PLEKHM1: variants seen among roughly 807,000 people sequenced by gnomAD.
PLEKHM1 encodes pleckstrin homology domain-containing family M member 1.
Under a neutral mutation model 94.3 loss-of-function variants are expected in PLEKHM1, and 28 were observed. The observed-to-expected ratio is 0.30, with a 90% confidence interval of 0.22 to 0.41. The LOEUF is 0.41. Ranked by LOEUF, PLEKHM1 falls within the 10% of genes least tolerant of loss-of-function variation. The pLI is 1.00. For synonymous variants in PLEKHM1, 424 were observed against 581.2 expected (o/e 0.73, Z 3.89); for missense variants, 907 against 1,358.6 (o/e 0.67, Z 5.22).
In PLEKHM1 at chr17:45,436,261, G is replaced by A. The variant is rs1193259704; in HGVS notation, c.*1597C>T. 2.2e-6 allele frequency: 1 copy of A among 454,242 alleles called. No homozygotes were observed. The highest frequency in any genetic ancestry group is 4.4e-6 in the Non-Finnish European group (1 of 226,846). The allele number at this position is 454,242 out of a possible 1,614,324, so 28.1% of individuals were successfully genotyped here. On this transcript the variant is annotated 3_prime_UTR_variant, in exon 12 of 12. Coordinates refer to ENST00000430334, the MANE Select transcript of PLEKHM1 (RefSeq NM_014798.3). ...GCTCTGACTAGGCTGGGCTTGTGGT[G>A]GAGCGTTAATGTGGGCCATGGCGGT... is the stretch of plus-strand genomic sequence containing the variant.
At chr17:45,438,972 G>A (rs983274599) in intron 11 of PLEKHM1, among the ~76,000 whole-genome samples, 7 of 152,218 alleles carry the variant, frequency 4.6e-5, no homozygotes, top group Non-Finnish European at 8.8e-5. Context: ...CTCCCACATG[G>A]GTTGCAGGAA....
intron 2 of PLEKHM1, 25 bp from the exon 3 acceptor site, chr17:45,478,172 G>A (rs747632073): frequency 2.6e-5 from 42 of 1,613,930 alleles, no homozygotes; most frequent in Middle Eastern, 3.3e-4. Flanking sequence ...ACAGAACACA[G>A]GCCTTTAGCG....
intron 1 of PLEKHM1, chr17:45,487,779 C>T (rs1416103158): frequency 4.4e-6 from 2 of 455,946 alleles, no homozygotes; most frequent in Non-Finnish European, 8.8e-6. Context: ...AACACTCCAC[C>T]ATCAGTGAAC....
At chr17:45,490,262 C>G (rs2052270080) in intron 1 of PLEKHM1, among the ~76,000 whole-genome samples, 1 of 147,244 alleles carries the variant, frequency 6.8e-6, no homozygotes, top group Non-Finnish European at 1.5e-5. Flanking sequence ...GAGGTAAGCG[C>G]GGAGCATCGG....
At position 45,475,628 on chromosome 17, in the gene PLEKHM1, T is replaced by C; in HGVS notation, c.395A>G (p.Glu132Gly). ...CTGCAGCAGCAGCTTCAGGTAGCAC[T>C]CCATCAGGCCATCGTTCAGGGCCAG... ...LRLALNDGLM[E>G]CYLKLLLQEQ... The change falls in exon 4 of 12, where the codon GAG becomes GGG. Residue 132 changes from glutamate (E) to glycine (G), a missense_variant. Glu to Gly is a moderately conservative substitution (Grantham distance 98, BLOSUM62 -2). Around this residue, in one of 3 missense-constraint regions of PLEKHM1, gnomAD observed 176 missense variants for 306.0 expected, o/e 0.58. Transcript: ENST00000430334. 6.2e-7 allele frequency: 1 copy of C among 1,614,014 alleles called. No homozygotes were observed. Among genetic ancestry groups the C allele is most frequent in the Non-Finnish European group, 8.5e-7 (1 of 1,179,990 alleles).
chr17:45,451,317 A>C (rs536595369), intron 7 of PLEKHM1, among the ~76,000 whole-genome samples: 1 of 152,220 alleles, frequency 6.6e-6, no homozygotes, highest in African/African-American at 2.4e-5. Context: ...ATGCCTCGGG[A>C]CTGTGGGGTA....
At chr17:45,447,718 TC>T (rs1185261794) in intron 8 of PLEKHM1, among the ~76,000 whole-genome samples, 2 of 152,110 alleles carry the variant, frequency 1.3e-5, no homozygotes, top group Admixed American at 1.3e-4. Context: ...TCCCTGTCTT[TC>T]CTAGGCCAGC....
intron 2 of PLEKHM1, among the ~76,000 whole-genome samples, chr17:45,479,821 A>G (rs940738256): frequency 3.0e-4 from 45 of 152,266 alleles, no homozygotes; most frequent in African/African-American, 1.0e-3. Flanking sequence ...GAAATACTCA[A>G]TAAATGTTTG....
rs1475096912 is a variant in PLEKHM1 at position 45,450,739 on chromosome 17, G to A, written c.2522C>T (p.Ser841Phe). 5.7e-6 allele frequency: 9 copies of A among 1,580,554 alleles called. No homozygotes were observed. Among genetic ancestry groups the A allele is most frequent in the South Asian group, 5.7e-5 (5 of 88,264 alleles). ...GGCACAGAGCTTGGGTCGTACAAAG[G>A]AGAAGCCGATCTGCCGGGAGCAGCC... Reference protein sequence around the residue: ...CAGCSRQIGFSFVRPKLCAFS... With the variant: ...CAGCSRQIGFFFVRPKLCAFS... Residue 841 changes from serine (S) to phenylalanine (F), a missense_variant, in exon 8 of 12, where the codon TCC (serine) becomes TTC (phenylalanine). Ser to Phe is a radical substitution (Grantham distance 155, BLOSUM62 -2). Around this residue, in one of 3 missense-constraint regions of PLEKHM1, gnomAD observed 254 missense variants for 451.1 expected, o/e 0.56. Coordinates refer to ENST00000430334, the MANE Select transcript of PLEKHM1 (RefSeq NM_014798.3).
chr17:45,475,222 G>A lies in PLEKHM1; in HGVS notation c.801C>T (p.Asn267=), dbSNP rs774647547. 7.4e-5 allele frequency: 119 copies of A among 1,613,900 alleles called. No individual in the cohort carries two copies. The highest frequency in any genetic ancestry group is 8.3e-5 in the Admixed American group (5 of 60,004). The change falls in exon 4 of 12, where the codon AAC becomes AAT. Residue 267 remains asparagine (N), a synonymous_variant. Transcript: ENST00000430334. ...ASSSQLSCSL[N]SDSCLLQENG... is the part of the protein sequence containing the mutation. The stretch of plus-strand genomic sequence containing the variant: ...TCTCTTGGAGTAAGCAGCTATCAGA[G>A]TTTAGGCTGCAGGACAGCTGGGATG...
At chr17:45,488,055 GGGT>G (rs754722769) in intron 1 of PLEKHM1, among the ~76,000 whole-genome samples, 2 of 152,262 alleles carry the variant, frequency 1.3e-5, no homozygotes, top group African/African-American at 2.4e-5. Context: ...TTTCTGTGAT[GGGT>G]GGAGTGGTGG....
chr17:45,438,388 C>T (rs1437771044), intron 11 of PLEKHM1, among the ~76,000 whole-genome samples: 4 of 151,626 alleles, frequency 2.6e-5, no homozygotes, highest in Non-Finnish European at 5.9e-5. Flanking sequence ...AAAAATTAGC[C>T]GGGCGTGGCG....
intron 1 of PLEKHM1, among the ~76,000 whole-genome samples, chr17:45,483,434 G>C (rs1404780865): frequency 5.2e-5 from 7 of 135,760 alleles, no homozygotes; most frequent in Admixed American, 1.5e-4. Context: ...GGGGTGGGGT[G>C]GGGTGGGGTG....
At chr17:45,484,885 T>C (rs2145359247) in intron 1 of PLEKHM1, among the ~76,000 whole-genome samples, 2 of 151,094 alleles carry the variant, frequency 1.3e-5, no homozygotes, top group South Asian at 4.2e-4. Flanking sequence ...TGGCCCTAAA[T>C]GGTGGAAGGT....
At chr17:45,455,173 T>G (rs147433953) in intron 6 of PLEKHM1, among the ~76,000 whole-genome samples, 2,016 of 152,254 alleles carry the variant, frequency 0.013, 32 homozygotes, top group African/African-American at 0.041. Context: ...CCTGCTCCCA[T>G]TCCTTCTCGA....
intron 5 of PLEKHM1, among the ~76,000 whole-genome samples, chr17:45,467,483 A>T (rs2051353789): frequency 6.6e-6 from 1 of 152,200 alleles, no homozygotes; most frequent in Non-Finnish European, 1.5e-5. Flanking sequence ...TTTTCTAAAA[A>T]CATTAATTTA....
chr17:45,447,393 C>T (rs2050639384), intron 8 of PLEKHM1, among the ~76,000 whole-genome samples: 1 of 152,382 alleles, frequency 6.6e-6, no homozygotes, highest in African/African-American at 2.4e-5. Flanking sequence ...TTCTCCAGTC[C>T]TAACTCAGCT....
At chr17:45,461,298 A>C (rs944025888) in intron 5 of PLEKHM1, among the ~76,000 whole-genome samples, 1 of 152,168 alleles carries the variant, frequency 6.6e-6, no homozygotes, top group Non-Finnish European at 1.5e-5. Flanking sequence ...CCCTTATCAG[A>C]TTTACGATTT....
In PLEKHM1 at chr17:45,444,925, G is replaced by A. The variant is rs545749109; in HGVS notation, c.2837+545C>T. 6.7e-6 allele frequency among the ~76,000 whole-genome samples: 1 copy of A among 149,874 alleles called. No individual in the cohort carries two copies. The highest frequency in any genetic ancestry group is 1.5e-5 in the Non-Finnish European group (1 of 67,444). Reference sequence around the variant, plus strand: ...CTGTCTCCCTCTCACCCTCACCCCCGGATGGAGTTGCTGGCTTTCCCACCT... The same window carrying A: ...CTGTCTCCCTCTCACCCTCACCCCCAGATGGAGTTGCTGGCTTTCCCACCT... On this transcript the variant is annotated intron_variant, in intron 9 of 11. Coordinates refer to ENST00000430334, the MANE Select transcript of PLEKHM1 (RefSeq NM_014798.3). This position sits in a 1 kb window ranked among gnomAD's most constrained non-coding sequence, Gnocchi z 5.0.
Sources: gnomAD v4.1 joint callset for allele counts (sites outside exome capture counted in the v4.1 genomes callset) on GRCh38, gnomAD v4.1.1 for gene constraint, gnomAD v4.1.1 regional missense constraint, Gnocchi (gnomAD v3.1) non-coding constraint, MANE v1.5 for transcripts, NCBI Gene and HGNC (gene_info 2026-07-23, HGNC 2026-07-21) for gene names.